Variants in AGPAT4 observed in about 807,000 individuals in gnomAD.
The protein encoded by AGPAT4 is 1-acyl-sn-glycerol-3-phosphate acyltransferase delta.
AGPAT4 carries 15 observed loss-of-function variants against 48.0 expected under a neutral mutation model. The ratio of observed to expected loss-of-function variants is 0.31; its 90% confidence interval spans 0.21 to 0.48. AGPAT4 has a LOEUF of 0.48. AGPAT4 is among the 20% of genes least tolerant of loss of function. The pLI is 0.99. For missense variants in AGPAT4, 314 were observed against 482.5 expected, an observed-to-expected ratio of 0.65 and a Z score of 3.27; for synonymous variants, 178 against 198.7, an observed-to-expected ratio of 0.90 and a Z score of 0.88.
Position 161,189,192 on chromosome 6 carries a change from C to A in AGPAT4, c.179-22775G>T, listed in dbSNP as rs149233901. 3.0e-3 allele frequency among the ~76,000 whole-genome samples: 463 copies of A among 152,292 alleles called. 3 individuals carry two copies. The highest frequency in any genetic ancestry group is 0.011 in the African/African-American group (438 of 41,574). On this transcript the variant is annotated intron_variant, in intron 2 of 8. Coordinates refer to ENST00000320285, the MANE Select transcript of AGPAT4 (RefSeq NM_020133.3). The surrounding 1 kb of genome is among the most constrained non-coding windows in gnomAD (Gnocchi z 5.3). Reference sequence around the variant, plus strand: ...TGGGCATGCAACAGTGTTGCTAAACCCGGATTGTCTGGCAGCCCTGGGAAG... The same window carrying A: ...TGGGCATGCAACAGTGTTGCTAAACACGGATTGTCTGGCAGCCCTGGGAAG...
intron 2 of AGPAT4, among the ~76,000 whole-genome samples, chr6:161,213,393 A>G (rs1188824014): frequency 2.0e-5 from 3 of 152,234 alleles, no homozygotes; most frequent in African/African-American, 7.2e-5. Context: ...AAACTATAGT[A>G]CACCTGTTGT....
At position 161,166,219 on chromosome 6, in the gene AGPAT4, A is replaced by C; in HGVS notation, c.348+29T>G. 1 of 1,609,716 alleles carries C rather than the reference A, an allele frequency of 6.2e-7. No homozygotes were observed. Among genetic ancestry groups the C allele is most frequent in the Non-Finnish European group, 8.5e-7 (1 of 1,177,558 alleles). The stretch of plus-strand genomic sequence containing the variant: ...TGGGGCTGAACCAGAGAAATGTGTG[A>C]GGCAGGGGGGAATGCACTTCTGACT... On this transcript the variant is annotated intron_variant, in intron 3 of 8. Coordinates refer to ENST00000320285, the MANE Select transcript of AGPAT4 (RefSeq NM_020133.3). The surrounding 1 kb of genome is among the most constrained non-coding windows in gnomAD (Gnocchi z 6.7).
Position 161,270,724 on chromosome 6 carries a change from G to A in AGPAT4, c.-90+3214C>T, listed in dbSNP as rs927078218. ...TTGAATCCAGGAGGGGGAGGTTGTG[G>A]TGAGCCGAGATCACGCCATTGCACT... On this transcript the variant is annotated intron_variant, in intron 1 of 8. Coordinates refer to ENST00000320285, the MANE Select transcript of AGPAT4 (RefSeq NM_020133.3). This position sits in a 1 kb window ranked among gnomAD's most constrained non-coding sequence, Gnocchi z 5.3. 6.6e-6 allele frequency among the ~76,000 whole-genome samples: 1 copy of A among 152,158 alleles called. No individual in the cohort carries two copies. The highest frequency in any genetic ancestry group is 1.5e-5 in the Non-Finnish European group (1 of 68,032).
chr6:161,161,534 G>C lies in AGPAT4; in HGVS notation c.348+4714C>G, dbSNP rs1161859285. ...TGGTGGCGGGCAGCACTGGGTATCT[G>C]CCATAGGCTCAGGTGATGCCAGCAG... On this transcript the variant is annotated intron_variant, in intron 3 of 8. Coordinates refer to ENST00000320285, the MANE Select transcript of AGPAT4 (RefSeq NM_020133.3). The surrounding 1 kb of genome is among the most constrained non-coding windows in gnomAD (Gnocchi z 4.6). 2.2e-6 allele frequency: 1 copy of C among 455,990 alleles called. No individual in the cohort carries two copies. The highest frequency in any genetic ancestry group is 4.4e-6 in the Non-Finnish European group (1 of 226,436). The allele number at this position is 455,990 out of a possible 1,614,324, so 28.2% of individuals were successfully genotyped here.
Position 161,204,408 on chromosome 6 carries a change from G to A in AGPAT4, c.178+27628C>T, listed in dbSNP as rs1194698008. ...TTTATTGGATTTAATAGCGATGCATGTCTCCAATTTAATACTTACATAACC... is the reference window on the plus strand; with the variant it reads ...TTTATTGGATTTAATAGCGATGCATATCTCCAATTTAATACTTACATAACC... On this transcript the variant is annotated intron_variant, in intron 2 of 8. Coordinates refer to ENST00000320285, the MANE Select transcript of AGPAT4 (RefSeq NM_020133.3). The surrounding 1 kb of genome is among the most constrained non-coding windows in gnomAD (Gnocchi z 4.4). Among the ~76,000 whole-genome samples, 3 of 152,092 alleles carry A rather than the reference G, an allele frequency of 2.0e-5. No homozygotes were observed. Among genetic ancestry groups the A allele is most frequent in the African/African-American group, 7.2e-5 (3 of 41,412 alleles).
intron 2 of AGPAT4, among the ~76,000 whole-genome samples, chr6:161,203,507 G>C (rs1231002155): frequency 6.7e-6 from 1 of 149,456 alleles, no homozygotes; most frequent in South Asian, 2.1e-4. Context: ...TCCTGCCCCG[G>C]CCCCCCAAGA....
At chr6:161,170,909 G>T (rs1459357122) in intron 2 of AGPAT4, among the ~76,000 whole-genome samples, 1 of 152,218 alleles carries the variant, frequency 6.6e-6, no homozygotes, top group Non-Finnish European at 1.5e-5. Context: ...AGTGGCTGCA[G>T]ATCTTGGAAT....
chr6:161,210,372 C>T (rs1189572124), intron 2 of AGPAT4, among the ~76,000 whole-genome samples: 1 of 152,074 alleles, frequency 6.6e-6, no homozygotes, highest in African/African-American at 2.4e-5. Flanking sequence ...GATTGTGAAA[C>T]AGATTATCAA....
In AGPAT4 at chr6:161,220,651, C is replaced by T. The variant is rs183713973; in HGVS notation, c.178+11385G>A. ...GGCAATGCCCCCACCTGATTTGTGACGGGTGTCCCTCTCCTATTGCCCTTC... is the reference window on the plus strand; with the variant it reads ...GGCAATGCCCCCACCTGATTTGTGATGGGTGTCCCTCTCCTATTGCCCTTC... On this transcript the variant is annotated intron_variant, in intron 2 of 8. Transcript: ENST00000320285. The surrounding 1 kb of genome is among the most constrained non-coding windows in gnomAD (Gnocchi z 6.0). Among the ~76,000 whole-genome samples, 20 of 152,286 alleles carry T rather than the reference C, an allele frequency of 1.3e-4. No individual in the cohort carries two copies. Among genetic ancestry groups the T allele is most frequent in the Non-Finnish European group, 2.1e-4 (14 of 68,020 alleles).
chr6:161,176,154 A>G (rs532999721), intron 2 of AGPAT4, among the ~76,000 whole-genome samples: 6 of 152,268 alleles, frequency 3.9e-5, no homozygotes, highest in Non-Finnish European at 2.9e-5. Flanking sequence ...TATTAGGTCC[A>G]CTTGGTGCAG....
rs546243349 is a variant in AGPAT4, at chr6:161,178,778, T to C, written c.179-12361A>G. On this transcript the variant is annotated intron_variant, in intron 2 of 8. Coordinates refer to ENST00000320285, the MANE Select transcript of AGPAT4 (RefSeq NM_020133.3). The surrounding 1 kb of genome is among the most constrained non-coding windows in gnomAD (Gnocchi z 5.1). Reference sequence around the variant, plus strand: ...TTGCCATGGTTGATCACTTTTGTCATATTTTTAAAATTTCAGTTTGCCCAA... The same window carrying C: ...TTGCCATGGTTGATCACTTTTGTCACATTTTTAAAATTTCAGTTTGCCCAA... 4.4e-4 allele frequency among the ~76,000 whole-genome samples: 67 copies of C among 152,350 alleles called. 1 individual carries two copies. Among genetic ancestry groups the C allele is most frequent in the African/African-American group, 1.4e-3 (57 of 41,592 alleles).
chr6:161,270,967 C>G lies in AGPAT4; in HGVS notation c.-90+2971G>C, dbSNP rs567149490. 4.6e-5 allele frequency among the ~76,000 whole-genome samples: 7 copies of G among 152,298 alleles called. No homozygotes were observed. The highest frequency in any genetic ancestry group is 8.8e-5 in the Non-Finnish European group (6 of 68,034). ...CCGGGTAAGTTCCTGGTTGCGTCTTCCCCAGTTTCATACCTGTTTAAAGTC... is the reference window on the plus strand; with the variant it reads ...CCGGGTAAGTTCCTGGTTGCGTCTTGCCCAGTTTCATACCTGTTTAAAGTC... On this transcript the variant is annotated intron_variant, in intron 1 of 8. Transcript: ENST00000320285. This position sits in a 1 kb window ranked among gnomAD's most constrained non-coding sequence, Gnocchi z 5.3.
chr6:161,186,241 A>G (rs1780765088), intron 2 of AGPAT4, among the ~76,000 whole-genome samples: 1 of 152,154 alleles, frequency 6.6e-6, no homozygotes, highest in South Asian at 2.1e-4. Flanking sequence ...AGTGAATCAG[A>G]GCCTGACTAA....
At position 161,154,555 on chromosome 6, in the gene AGPAT4, C is replaced by T. The variant is rs969521865; in HGVS notation, c.349-245G>A. ...GGCAGGGGCACCCTGGTTCTCAGCG[C>T]AGACGGCAGGAGTCAAGAAGGCAGC... is the stretch of plus-strand genomic sequence containing the variant. On this transcript the variant is annotated intron_variant, in intron 3 of 8. Coordinates refer to ENST00000320285, the MANE Select transcript of AGPAT4 (RefSeq NM_020133.3). The surrounding 1 kb of genome is among the most constrained non-coding windows in gnomAD (Gnocchi z 7.8). Among the ~76,000 whole-genome samples the T allele has an allele frequency of 6.6e-6, 1 of 152,148 alleles. No homozygotes were observed. Among genetic ancestry groups the T allele is most frequent in the Non-Finnish European group, 1.5e-5 (1 of 68,044 alleles).
rs1430546740 is a variant in AGPAT4, at chr6:161,223,043, T to C, written c.178+8993A>G. ...GCTTCACGGGGACGTCGCTGCGCCCTGCACAGGATGGCTGGGCTGTCCCCT... is the reference window on the plus strand; with the variant it reads ...GCTTCACGGGGACGTCGCTGCGCCCCGCACAGGATGGCTGGGCTGTCCCCT... On this transcript the variant is annotated intron_variant, in intron 2 of 8. Coordinates refer to ENST00000320285, the MANE Select transcript of AGPAT4 (RefSeq NM_020133.3). The surrounding 1 kb of genome is among the most constrained non-coding windows in gnomAD (Gnocchi z 6.3). Among the ~76,000 whole-genome samples the C allele has an allele frequency of 6.6e-6, 1 of 152,178 alleles. No individual in the cohort carries two copies. The highest frequency in any genetic ancestry group is 2.4e-5 in the African/African-American group (1 of 41,440).
In AGPAT4 at chr6:161,242,852, G is replaced by A. The variant is rs530973405; in HGVS notation, c.-89-10550C>T. ...TTGGGAGGGGGTGGGTGGCTCACCTGAGGTCAGGAGATCGAGGCCAGCCTG... is the reference window on the plus strand; with the variant it reads ...TTGGGAGGGGGTGGGTGGCTCACCTAAGGTCAGGAGATCGAGGCCAGCCTG... On this transcript the variant is annotated intron_variant, in intron 1 of 8. Transcript: ENST00000320285. This position sits in a 1 kb window ranked among gnomAD's most constrained non-coding sequence, Gnocchi z 5.0. Among the ~76,000 whole-genome samples the A allele has an allele frequency of 2.7e-3, 407 of 152,242 alleles. 2 individuals carry two copies. Among genetic ancestry groups the A allele is most frequent in the Non-Finnish European group, 5.2e-3 (352 of 68,018 alleles).
At position 161,135,421 on chromosome 6, in the gene AGPAT4, G is replaced by A. The variant is rs1486277356; in HGVS notation, c.*1119C>T. On this transcript the variant is annotated 3_prime_UTR_variant, in exon 9 of 9. Transcript: ENST00000320285. Reference sequence around the variant, plus strand: ...TGTTGGCTGACAGCAGTCTGCAAAGGCCGCTGGAGATGCTACAGGGCAGAA... The same window carrying A: ...TGTTGGCTGACAGCAGTCTGCAAAGACCGCTGGAGATGCTACAGGGCAGAA... 6.6e-6 allele frequency: 1 copy of A among 152,204 alleles called. No homozygotes were observed. Among genetic ancestry groups the A allele is most frequent in the Non-Finnish European group, 1.5e-5 (1 of 68,036 alleles). The allele number at this position is 152,204 out of a possible 1,614,324, so 9.4% of individuals were successfully genotyped here. A position where few individuals can be genotyped will look rare whatever the true frequency, so the allele number is the denominator to read the frequency against.
intron 1 of AGPAT4, among the ~76,000 whole-genome samples, chr6:161,237,989 CAA>C (rs1196208429): frequency 6.9e-6 from 1 of 145,552 alleles, no homozygotes; most frequent in Non-Finnish European, 1.5e-5. Context: ...AAGCACCAGA[CAA>C]GAGAAATTCT....
rs1346726671 is a variant in AGPAT4 at position 161,225,438 on chromosome 6, T to C, written c.178+6598A>G. On this transcript the variant is annotated intron_variant, in intron 2 of 8. Transcript: ENST00000320285. The surrounding 1 kb of genome is among the most constrained non-coding windows in gnomAD (Gnocchi z 5.0). ...GGTGCACCCTTCTATAGAAGTAACT[T>C]GCCTTGCTGAGAATTAAAAAGAAAA... Among the ~76,000 whole-genome samples, 5 of 152,192 alleles carry C rather than the reference T, an allele frequency of 3.3e-5. No homozygotes were observed. Among genetic ancestry groups the C allele is most frequent in the Admixed American group, 6.5e-5 (1 of 15,276 alleles).
Sources: allele counts gnomAD v4.1 joint callset (sites outside exome capture counted in the v4.1 genomes callset), GRCh38; gene constraint gnomAD v4.1.1; non-coding constraint Gnocchi (gnomAD v3.1); transcripts MANE v1.5; gene names NCBI Gene and HGNC (gene_info 2026-07-23, HGNC 2026-07-21).